NPAS3: variants seen among roughly 807,000 people sequenced by gnomAD.
The protein encoded by NPAS3 is neuronal PAS domain-containing protein 3.
Under a neutral mutation model 73.1 loss-of-function variants are expected in NPAS3, and 14 were observed. The observed-to-expected ratio is 0.19, with a 90% confidence interval of 0.13 to 0.30. The LOEUF (loss-of-function observed/expected upper bound fraction) is 0.30. Ranked by LOEUF, NPAS3 falls within the 10% of genes least tolerant of loss-of-function variation. NPAS3 has a pLI of 1.00. For synonymous variants in NPAS3, 620 were observed against 541.5 expected, an observed-to-expected ratio of 1.14 and a Z score of -2.01; for missense variants, 1,096 against 1,250.0, an observed-to-expected ratio of 0.88 and a Z score of 1.86.
chr14:33,565,325 A>C (rs572948618), intron 5 of NPAS3, among the ~76,000 whole-genome samples: 45 of 152,402 alleles, frequency 3.0e-4, no homozygotes, highest in African/African-American at 9.6e-4. Flanking sequence ...AAGGTCAAAT[A>C]AATGACAGAG....
At chr14:33,487,487 A>G (rs1185023023) in intron 4 of NPAS3, among the ~76,000 whole-genome samples, 2 of 152,220 alleles carry the variant, frequency 1.3e-5, no homozygotes, top group Non-Finnish European at 2.9e-5. Context: ...GAGATTAGAA[A>G]TGAGATTTAC....
chr14:33,393,507 C>T (rs531561689), intron 4 of NPAS3, among the ~76,000 whole-genome samples: 1 of 152,268 alleles, frequency 6.6e-6, no homozygotes, highest in Non-Finnish European at 1.5e-5. Flanking sequence ...CAGCTGGCCG[C>T]CACCAGTTAC....
At chr14:32,992,197 T>C (rs2038362672) in intron 1 of NPAS3, among the ~76,000 whole-genome samples, 1 of 152,046 alleles carries the variant, frequency 6.6e-6, no homozygotes, top group Non-Finnish European at 1.5e-5. Context: ...TGGAGAATGG[T>C]AGGGAAGGGC....
chr14:33,147,639 T>A (rs2044282636), intron 2 of NPAS3, among the ~76,000 whole-genome samples: 1 of 150,960 alleles, frequency 6.6e-6, no homozygotes, highest in Admixed American at 6.6e-5. Flanking sequence ...GACGAGTTAA[T>A]GGGTGCAGCA....
intron 2 of NPAS3, among the ~76,000 whole-genome samples, chr14:33,088,487 G>A (rs1173940995): frequency 6.6e-6 from 1 of 152,206 alleles, no homozygotes; most frequent in Admixed American, 6.5e-5. Flanking sequence ...GTGAGGCTGG[G>A]GTTAGGGGTG....
intron 1 of NPAS3, among the ~76,000 whole-genome samples, chr14:32,997,953 T>C (rs550555315): frequency 1.1e-4 from 16 of 152,316 alleles, no homozygotes; most frequent in East Asian, 9.7e-4. Context: ...TCAGCCACTA[T>C]GGAAAACAGT....
chr14:33,168,489 AT>A (rs1425639749), intron 2 of NPAS3, among the ~76,000 whole-genome samples: 1 of 152,136 alleles, frequency 6.6e-6, no homozygotes, highest in African/African-American at 2.4e-5. Flanking sequence ...GTAATTTGTA[AT>A]TTTTAAAAAA....
At chr14:33,191,423 A>G (rs2046167941) in intron 2 of NPAS3, among the ~76,000 whole-genome samples, 1 of 152,224 alleles carries the variant, frequency 6.6e-6, no homozygotes, top group South Asian at 2.1e-4. Flanking sequence ...CTAAATAATT[A>G]TAATTAGGTG....
chr14:33,429,158 A>G (rs993609804), intron 4 of NPAS3, among the ~76,000 whole-genome samples: 2 of 152,184 alleles, frequency 1.3e-5, no homozygotes, highest in Non-Finnish European at 2.9e-5. Context: ...GGAAGATTAA[A>G]AATAAATAGG....
chr14:33,425,051 A>G (rs749941122), intron 4 of NPAS3, among the ~76,000 whole-genome samples: 1 of 152,032 alleles, frequency 6.6e-6, no homozygotes, highest in Non-Finnish European at 1.5e-5. Context: ...AGTGCCATGG[A>G]AGCCAAGAGA....
At chr14:33,348,974 G>A (rs972582516) in intron 3 of NPAS3, among the ~76,000 whole-genome samples, 1 of 152,022 alleles carries the variant, frequency 6.6e-6, no homozygotes, top group Non-Finnish European at 1.5e-5. Flanking sequence ...CCCTTGCCAG[G>A]GTCCTCTCAT....
intron 3 of NPAS3, among the ~76,000 whole-genome samples, chr14:33,344,219 A>G (rs986490221): frequency 2.0e-5 from 3 of 152,240 alleles, no homozygotes; most frequent in Non-Finnish European, 2.9e-5. Context: ...TTGGATAGAC[A>G]ACATATTTAC....
intron 3 of NPAS3, among the ~76,000 whole-genome samples, chr14:33,329,227 C>G (rs2043864497): frequency 6.6e-6 from 1 of 152,154 alleles, no homozygotes; most frequent in Non-Finnish European, 1.5e-5. Flanking sequence ...GCCCCCAGCC[C>G]CACCCCACCT....
intron 5 of NPAS3, among the ~76,000 whole-genome samples, chr14:33,562,899 G>GCATACACACACACA (rs2055719690): frequency 6.7e-6 from 1 of 149,736 alleles, no homozygotes; most frequent in African/African-American, 2.5e-5. Context: ...TCTTTTATGA[G>GCATACACACACACA]CACACACACA....
At chr14:33,549,651 C>A (rs2055015900) in intron 4 of NPAS3, among the ~76,000 whole-genome samples, 1 of 152,196 alleles carries the variant, frequency 6.6e-6, no homozygotes, top group Admixed American at 6.5e-5. Context: ...AGATGGTCAG[C>A]ACAGTGGTTT....
At chr14:33,237,610 C>T (rs1017710395) in intron 3 of NPAS3, among the ~76,000 whole-genome samples, 8 of 151,992 alleles carry the variant, frequency 5.3e-5, no homozygotes, top group Admixed American at 2.6e-4. Context: ...AAATTGCTTT[C>T]GGCTTCAGAG....
intron 2 of NPAS3, among the ~76,000 whole-genome samples, chr14:33,154,768 A>C (rs926676628): frequency 1.3e-5 from 2 of 152,192 alleles, no homozygotes. Flanking sequence ...GTTACATGAA[A>C]GATGTTGACA....
At chr14:33,395,018 C>T (rs938475415) in intron 4 of NPAS3, among the ~76,000 whole-genome samples, 4 of 152,062 alleles carry the variant, frequency 2.6e-5, no homozygotes, top group African/African-American at 9.7e-5. Flanking sequence ...AAAATTATAA[C>T]AATTAGGCTT....
At chr14:33,310,903 C>G (rs151069085) in intron 3 of NPAS3, among the ~76,000 whole-genome samples, 76 of 151,824 alleles carry the variant, frequency 5.0e-4, no homozygotes, top group Middle Eastern at 3.4e-3. Context: ...TGGGTCTTTG[C>G]TTGTGACCTT....
Sources: allele counts gnomAD v4.1 joint callset (sites outside exome capture counted in the v4.1 genomes callset), GRCh38; gene constraint gnomAD v4.1.1; transcripts MANE v1.5; gene names NCBI Gene and HGNC (gene_info 2026-07-23, HGNC 2026-07-21).